GRID2: variants seen among roughly 807,000 people sequenced by gnomAD.
The protein encoded by GRID2 is glutamate receptor ionotropic, delta-2.
In GRID2, 33 loss-of-function variants were observed where a neutral mutation model predicts 114.8. The ratio of observed to expected loss-of-function variants is 0.29; its 90% CI spans 0.22 to 0.38. GRID2 has a LOEUF of 0.38. Among genes scored for constraint, GRID2 ranks in the 10% least tolerant of loss-of-function variants. The pLI is 1.00. For synonymous variants in GRID2, 505 were observed against 449.9 expected, an observed-to-expected ratio of 1.12 and a Z score of -1.55; for missense variants, 1,184 against 1,257.7, an observed-to-expected ratio of 0.94 and a Z score of 0.89.
chr4:93,475,096 T>A (rs1310891038), intron 11 of GRID2, among the ~76,000 whole-genome samples: 4 of 152,144 alleles, frequency 2.6e-5, no homozygotes, highest in Non-Finnish European at 5.9e-5. Flanking sequence ...CCCAGTACAA[T>A]AACCTTGTTT....
chr4:92,891,498 A>G (rs1235204608), intron 2 of GRID2, among the ~76,000 whole-genome samples: 1 of 152,178 alleles, frequency 6.6e-6, no homozygotes, highest in Admixed American at 6.5e-5. Context: ...AGTGTTTTGG[A>G]AAAGAAAGGG....
intron 13 of GRID2, among the ~76,000 whole-genome samples, chr4:93,589,099 G>C (rs985334022): frequency 6.6e-6 from 1 of 151,380 alleles, no homozygotes; most frequent in South Asian, 2.1e-4. Flanking sequence ...TGGGCACATT[G>C]TGCAGGTTAG....
chr4:93,479,154 A>G (rs913053581), intron 11 of GRID2, among the ~76,000 whole-genome samples: 7 of 152,030 alleles, frequency 4.6e-5, no homozygotes, highest in Non-Finnish European at 1.0e-4. Context: ...TATTCTTTTA[A>G]GTGTCCAATA....
chr4:93,522,568 C>T (rs1730443251), intron 13 of GRID2, among the ~76,000 whole-genome samples: 1 of 150,210 alleles, frequency 6.7e-6, no homozygotes, highest in African/African-American at 2.4e-5. Context: ...AGAGCACATG[C>T]AAAAAAAACA....
chr4:93,502,367 A>T (rs969629239), intron 12 of GRID2, among the ~76,000 whole-genome samples: 6 of 152,026 alleles, frequency 3.9e-5, no homozygotes, highest in African/African-American at 1.4e-4. Flanking sequence ...ATAAACTTTT[A>T]TATCAACTAT....
chr4:93,380,651 A>G (rs940052047), intron 8 of GRID2, among the ~76,000 whole-genome samples: 1 of 152,012 alleles, frequency 6.6e-6, no homozygotes. Context: ...AAACAAGAGA[A>G]TATCCCTCAT....
At chr4:93,762,612 G>T (rs1435323158) in intron 14 of GRID2, among the ~76,000 whole-genome samples, 1 of 152,116 alleles carries the variant, frequency 6.6e-6, no homozygotes, top group Non-Finnish European at 1.5e-5. Flanking sequence ...AAGGCAAGAA[G>T]ACATTAGATA....
intron 2 of GRID2, among the ~76,000 whole-genome samples, chr4:92,852,606 A>AT (rs1292561088): frequency 1.3e-5 from 2 of 151,850 alleles, no homozygotes; most frequent in East Asian, 1.9e-4. Flanking sequence ...AAATGCAATG[A>AT]TTTTTTTCCA....
chr4:92,353,571 G>A (rs1728176101), intron 1 of GRID2, among the ~76,000 whole-genome samples: 1 of 151,896 alleles, frequency 6.6e-6, no homozygotes, highest in Non-Finnish European at 1.5e-5. Context: ...TTCTCGTCTT[G>A]TGTGCCTCCT....
chr4:93,538,298 C>G (rs965737479), intron 13 of GRID2, among the ~76,000 whole-genome samples: 3 of 151,510 alleles, frequency 2.0e-5, no homozygotes, highest in Non-Finnish European at 4.4e-5. Flanking sequence ...AACACTTTCT[C>G]ATGGCCAGAA....
At chr4:92,529,211 C>T (rs770643923) in intron 1 of GRID2, among the ~76,000 whole-genome samples, 1 of 151,822 alleles carries the variant, frequency 6.6e-6, no homozygotes, top group Non-Finnish European at 1.5e-5. Context: ...AAAGGACTGC[C>T]CTAGGCATTG....
At chr4:93,372,258 A>T (rs1763000838) in intron 8 of GRID2, among the ~76,000 whole-genome samples, 1 of 152,196 alleles carries the variant, frequency 6.6e-6, no homozygotes, top group Non-Finnish European at 1.5e-5. Context: ...TTTTCACACC[A>T]CAAAGTTAAT....
At position 93,768,368 on chromosome 4, in the gene GRID2, A is replaced by G. The variant is rs541387920; in HGVS notation, c.2361-842A>G. Among the ~76,000 whole-genome samples, 12 of 152,340 alleles carry G rather than the reference A, an allele frequency of 7.9e-5. No homozygotes were observed. The South Asian group carries it at 2.5e-3, about 32-fold the overall frequency. On this transcript the variant is annotated intron_variant, in intron 14 of 15. Coordinates refer to ENST00000282020, the MANE Select transcript of GRID2 (RefSeq NM_001510.4). ...GGAGGGCCACATCTAGGCTGGCCTC[A>G]GGTAGAGCCTAAGAAGCACTGGGAA...
chr4:92,664,447 T>A (rs1440825069), intron 2 of GRID2, among the ~76,000 whole-genome samples: 1 of 151,150 alleles, frequency 6.6e-6, no homozygotes, highest in Non-Finnish European at 1.5e-5. Context: ...GATTTTCTTT[T>A]ATGACTTCCA....
chr4:92,880,386 TA>T (rs1283943512), intron 2 of GRID2, among the ~76,000 whole-genome samples: 1 of 152,172 alleles, frequency 6.6e-6, no homozygotes, highest in Non-Finnish European at 1.5e-5. Context: ...TAGTCCATAA[TA>T]TTTTTTTTCT....
At chr4:92,537,818 T>C (rs1725728726) in intron 1 of GRID2, among the ~76,000 whole-genome samples, 1 of 151,050 alleles carries the variant, frequency 6.6e-6, no homozygotes, top group African/African-American at 2.4e-5. Context: ...TGTGTGTGTG[T>C]GTGTGTGTGT....
At chr4:93,670,345 T>C (rs1408683804) in intron 14 of GRID2, among the ~76,000 whole-genome samples, 4 of 152,130 alleles carry the variant, frequency 2.6e-5, no homozygotes, top group Non-Finnish European at 5.9e-5. Flanking sequence ...TTGCTTCCTA[T>C]CCAATAACAA....
At chr4:92,390,681 T>G (rs943595356) in intron 1 of GRID2, among the ~76,000 whole-genome samples, 2 of 152,172 alleles carry the variant, frequency 1.3e-5, no homozygotes, top group Non-Finnish European at 2.9e-5. Context: ...CCCCTCCACT[T>G]TGCTCCAGAG....
At chr4:93,675,132 A>T (rs1724740991) in intron 14 of GRID2, among the ~76,000 whole-genome samples, 1 of 152,168 alleles carries the variant, frequency 6.6e-6, no homozygotes, top group South Asian at 2.1e-4. Context: ...AACATCTCAC[A>T]AATAACGTGA....
Sources: allele counts gnomAD v4.1 joint callset (sites outside exome capture counted in the v4.1 genomes callset), GRCh38; gene constraint gnomAD v4.1.1; transcripts MANE v1.5; gene names NCBI Gene and HGNC (gene_info 2026-07-23, HGNC 2026-07-21).